KDELR2: variants seen among roughly 807,000 people sequenced by gnomAD.
KDELR2 encodes KDEL endoplasmic reticulum protein retention receptor 2.
KDELR2 carries 15 observed loss-of-function variants against 23.9 expected under a neutral mutation model. The observed-to-expected ratio is 0.63, with a 90% confidence interval of 0.42 to 0.97. KDELR2 has a LOEUF of 0.97. KDELR2 is among the 50% of genes least tolerant of loss of function. The probability of loss-of-function intolerance (pLI) is 0.00; values close to 1 mark genes in which losing one functional copy is unlikely to be tolerated. For synonymous variants in KDELR2, 119 were observed against 106.2 expected (o/e 1.12, Z -0.74); for missense variants, 272 against 254.6 (o/e 1.07, Z -0.46).
At chr7:6,480,019 C>T (rs1785854409) in intron 1 of KDELR2, among the ~76,000 whole-genome samples, 1 of 152,170 alleles carries the variant, frequency 6.6e-6, no homozygotes, top group Non-Finnish European at 1.5e-5. Context: ...AATGTATGGA[C>T]ACCATAAGAT....
rs562070780 is a variant in KDELR2 at position 6,468,473 on chromosome 7, C to T, written c.351+1123G>A. The stretch of plus-strand genomic sequence containing the variant: ...CCTCCTGAGTAGCTGGGATTACAGG[C>T]GTGCGATACCACACCCAGCTAATTT... On this transcript the variant is annotated intron_variant, in intron 3 of 4. Transcript: ENST00000258739. Among the ~76,000 whole-genome samples, 76 of 151,974 alleles carry T rather than the reference C, an allele frequency of 5.0e-4. No individual in the cohort carries two copies. In the Middle Eastern group the frequency reaches 0.01, roughly 20 times the overall value.
chr7:6,476,637 T>C (rs1785761195), intron 1 of KDELR2, among the ~76,000 whole-genome samples: 1 of 152,204 alleles, frequency 6.6e-6, no homozygotes, highest in African/African-American at 2.4e-5. Context: ...CCAGCATTCC[T>C]ATACTGAAAA....
intron 4 of KDELR2, among the ~76,000 whole-genome samples, chr7:6,463,416 A>C (rs1785429042): frequency 6.6e-6 from 1 of 152,138 alleles, no homozygotes. Flanking sequence ...TTATGTAGGG[A>C]GGCCTATGAA....
intron 1 of KDELR2, among the ~76,000 whole-genome samples, chr7:6,480,166 T>C (rs934047620): frequency 3.9e-5 from 6 of 152,180 alleles, no homozygotes; most frequent in African/African-American, 9.7e-5. Flanking sequence ...AAGACTCCTC[T>C]AGCTACAGTA....
chr7:6,476,292 C>A (rs1285277747), intron 1 of KDELR2, among the ~76,000 whole-genome samples: 1 of 105,980 alleles, frequency 9.4e-6, no homozygotes, highest in Non-Finnish European at 2.0e-5. Context: ...AAGGAGGAGA[C>A]ACGGACAGTG....
intron 1 of KDELR2, among the ~76,000 whole-genome samples, chr7:6,481,798 T>C (rs925932595): frequency 2.0e-5 from 3 of 152,038 alleles, no homozygotes; most frequent in African/African-American, 4.8e-5. Context: ...GATCTAAACA[T>C]CGTGGTTTGG....
At chr7:6,483,005 CAAA>C (rs34123172) in intron 1 of KDELR2, among the ~76,000 whole-genome samples, 1 of 136,084 alleles carries the variant, frequency 7.3e-6, no homozygotes. Flanking sequence ...ACCCTGCCTC[CAAA>C]AAAAAAAAAA....
intron 2 of KDELR2, among the ~76,000 whole-genome samples, chr7:6,471,130 T>A (rs141741370): frequency 0.12 from 571 of 4,584 alleles, 3 homozygotes; most frequent in African/African-American, 0.27. Context: ...AAATAAAAAA[T>A]AAATAAATAA....
At chr7:6,477,871 A>G (rs1363269045) in intron 1 of KDELR2, among the ~76,000 whole-genome samples, 1 of 152,226 alleles carries the variant, frequency 6.6e-6, no homozygotes, top group African/African-American at 2.4e-5. Context: ...ACTATACAAC[A>G]TACACATGTA....
At chr7:6,472,268 C>G (rs368149271) in intron 2 of KDELR2, among the ~76,000 whole-genome samples, 2 of 152,158 alleles carry the variant, frequency 1.3e-5, no homozygotes, top group African/African-American at 4.8e-5. Context: ...GTGGCCAGCT[C>G]AACATTAATA....
rs374286663 is a variant in KDELR2 at position 6,469,679 on chromosome 7, G to C, written c.268C>G (p.His90Asp). ...AGAAACTCCACTCGGAAGGTATCAT[G>C]ATTTCCATCGTAGGTTGCCTTAAAT... is the stretch of plus-strand genomic sequence containing the variant. ...LKFKATYDGN[H>D]DTFRVEFLVV... The change falls in exon 3 of 5, where the codon CAT (histidine) becomes GAT (aspartate). Residue 90 changes from histidine to aspartate, a missense_variant. By Grantham distance (81) the His-to-Asp change is moderately conservative. Transcript: ENST00000258739. 6 of 1,614,092 alleles carry C rather than the reference G, an allele frequency of 3.7e-6. No individual in the cohort carries two copies. Among genetic ancestry groups the C allele is most frequent in the Non-Finnish European group, 5.1e-6 (6 of 1,179,964 alleles).
intron 1 of KDELR2, 82 bp from the exon 2 acceptor site, chr7:6,474,366 C>T: frequency 1.0e-6 from 1 of 961,950 alleles, no homozygotes; most frequent in Non-Finnish European, 1.7e-6. Flanking sequence ...GGAGTGCAGA[C>T]AGGGAAGGAG....
At chr7:6,472,998 C>T (rs1188502244) in intron 2 of KDELR2, among the ~76,000 whole-genome samples, 2 of 150,352 alleles carry the variant, frequency 1.3e-5, no homozygotes. Flanking sequence ...GCTTCAACCT[C>T]CAGGGCTCAA....
intron 3 of KDELR2, among the ~76,000 whole-genome samples, chr7:6,469,242 A>G (rs528574646): frequency 4.6e-5 from 7 of 151,680 alleles, no homozygotes; most frequent in Non-Finnish European, 1.0e-4. Context: ...GTGAGCCACT[A>G]CGCCCAGCCA....
At position 6,476,471 on chromosome 7, in the gene KDELR2, G is replaced by A. The variant is rs114091686; in HGVS notation, c.92-2187C>T. Among the ~76,000 whole-genome samples, 506 of 152,300 alleles carry A rather than the reference G, an allele frequency of 3.3e-3. 4 individuals carry two copies. Among genetic ancestry groups the A allele is most frequent in the African/African-American group, 0.011 (463 of 41,566 alleles). On this transcript the variant is annotated intron_variant, in intron 1 of 4. Coordinates refer to ENST00000258739, the MANE Select transcript of KDELR2 (RefSeq NM_006854.4). ...CAGACCATACCTGGTGTTTGTTGAA[G>A]CCTTGAGAAATCAATTTCCAGCTTA... is the stretch of plus-strand genomic sequence containing the variant.
intron 4 of KDELR2, among the ~76,000 whole-genome samples, chr7:6,465,836 AC>A (rs1168681947): frequency 6.6e-6 from 1 of 152,192 alleles, no homozygotes; most frequent in African/African-American, 2.4e-5. Flanking sequence ...TCACTGAAAC[AC>A]CAGATGAATC....
Position 6,474,309 on chromosome 7 carries a change from A to G in KDELR2, c.92-25T>C. On this transcript the variant is annotated intron_variant, in intron 1 of 4. Coordinates refer to ENST00000258739, the MANE Select transcript of KDELR2 (RefSeq NM_006854.4). Reference sequence around the variant, plus strand: ...CCTAGAGAAACAGAAGGGAAGTATTAGAAGGGCCTGAAGAGCTTTGGGATT... The same window carrying G: ...CCTAGAGAAACAGAAGGGAAGTATTGGAAGGGCCTGAAGAGCTTTGGGATT... 2 of 1,504,562 alleles carry G rather than the reference A, an allele frequency of 1.3e-6. 1 individual carries two copies. The highest frequency in any genetic ancestry group is 2.3e-5 in the South Asian group (2 of 88,862). 93.2% of individuals were successfully genotyped at this position (1,504,562 alleles called of 1,614,324 possible).
intron 1 of KDELR2, among the ~76,000 whole-genome samples, chr7:6,476,050 C>A (rs879256292): frequency 1.3e-5 from 2 of 152,128 alleles, no homozygotes; most frequent in Admixed American, 1.3e-4. Flanking sequence ...GTAGCTGGGA[C>A]TACAGGTGGG....
rs7799635 is a variant in KDELR2, at chr7:6,475,519, A to C, written c.92-1235T>G. Among the ~76,000 whole-genome samples the C allele has an allele frequency of 7.2e-5, 11 of 152,182 alleles. No homozygotes were observed. The South Asian group carries it at 2.3e-3, about 32-fold the overall frequency. ...GGACAACATGAAGGTATGAACCCAC[A>C]ACTACAGCTGGTCTTCAAAAGCAGC... On this transcript the variant is annotated intron_variant, in intron 1 of 4. Coordinates refer to ENST00000258739, the MANE Select transcript of KDELR2 (RefSeq NM_006854.4).
Sources: gnomAD v4.1 joint callset for allele counts (sites outside exome capture counted in the v4.1 genomes callset) on GRCh38, gnomAD v4.1.1 for gene constraint, MANE v1.5 for transcripts, NCBI Gene and HGNC (gene_info 2026-07-23, HGNC 2026-07-21) for gene names.